IL7: variants seen among roughly 807,000 people sequenced by gnomAD.
The protein encoded by IL7 is interleukin-7.
Under a neutral mutation model 21.6 loss-of-function variants are expected in IL7, and 3 were observed. That is an observed-to-expected ratio of 0.14 (90% CI 0.06 to 0.36). The LOEUF is 0.36. Among genes scored for constraint, IL7 ranks in the 10% least tolerant of loss-of-function variants. The pLI is 1.00. For synonymous variants in IL7, 62 were observed against 68.1 expected, an observed-to-expected ratio of 0.91 and a Z score of 0.44; for missense variants, 175 against 200.2, an observed-to-expected ratio of 0.87 and a Z score of 0.76.
intron 2 of IL7, among the ~76,000 whole-genome samples, chr8:78,744,454 C>T (rs1001154638): frequency 1.3e-5 from 2 of 152,134 alleles, no homozygotes; most frequent in African/African-American, 4.8e-5. Context: ...AAAAAGGTGA[C>T]TTGCCCAAAC....
chr8:78,709,904 A>C (rs1159927738), intron 3 of IL7, among the ~76,000 whole-genome samples: 1 of 152,120 alleles, frequency 6.6e-6, no homozygotes, highest in African/African-American at 2.4e-5. Flanking sequence ...TCTTTTCCCA[A>C]TATTATTTCA....
chr8:78,701,663 T>C (rs1271720674), intron 3 of IL7, among the ~76,000 whole-genome samples: 1 of 152,328 alleles, frequency 6.6e-6, no homozygotes, highest in East Asian at 1.9e-4. Context: ...TGAGGTATGT[T>C]CCTGCAATAC....
At chr8:78,688,442 A>G (rs142465227) in intron 3 of IL7, among the ~76,000 whole-genome samples, 86 of 152,270 alleles carry the variant, frequency 5.6e-4, no homozygotes, top group Non-Finnish European at 1.1e-3. Context: ...ATAAATTGAA[A>G]AGGGCAAACT....
chr8:78,715,187 A>G (rs778294652), downstream of IL7: 1 of 1,586,242 alleles, frequency 6.3e-7, no homozygotes, highest in Admixed American at 1.7e-5. Context: ...CTCACTGTTC[A>G]ATACTTTTCC....
rs2130741775 is a variant in IL7 at position 78,753,922 on chromosome 8, G to C, written c.148-13840C>G. On this transcript the variant is annotated intron_variant, in intron 2 of 5. Transcript: ENST00000263851. ...TCTGAGGCCTCGGTTCTGTTCAATT[G>C]GTCTATATATTTGTTTTGGTTCCAT... Among the ~76,000 whole-genome samples the C allele has an allele frequency of 2.0e-5, 3 of 152,146 alleles. No homozygotes were observed. The South Asian group carries it at 6.2e-4, about 32-fold the overall frequency.
chr8:78,776,404 T>C (rs1813141002), intron 2 of IL7, among the ~76,000 whole-genome samples: 1 of 152,104 alleles, frequency 6.6e-6, no homozygotes, highest in African/African-American at 2.4e-5. Flanking sequence ...TTCTGGAAGT[T>C]TCCATAGAAG....
intron 3 of IL7, among the ~76,000 whole-genome samples, chr8:78,701,597 C>T (rs1447248160): frequency 6.6e-6 from 1 of 152,124 alleles, no homozygotes; most frequent in Non-Finnish European, 1.5e-5. Flanking sequence ...ATGCTTCCAG[C>T]TTTTTCCCAT....
intron 3 of IL7, among the ~76,000 whole-genome samples, chr8:78,687,658 TTA>T (rs1381244551): frequency 2.4e-5 from 3 of 123,864 alleles, no homozygotes; most frequent in Non-Finnish European, 1.6e-5. Context: ...ACGTAATACA[TTA>T]TATATATTTA....
At chr8:78,782,996 G>T (rs1813391059) in intron 2 of IL7, among the ~76,000 whole-genome samples, 2 of 151,948 alleles carry the variant, frequency 1.3e-5, no homozygotes, top group Non-Finnish European at 2.9e-5. Context: ...GCACTGTGGA[G>T]AATTCCTCCT....
downstream of IL7, among the ~76,000 whole-genome samples, chr8:78,731,849 A>G (rs925615819): frequency 6.6e-6 from 1 of 152,104 alleles, no homozygotes; most frequent in African/African-American, 2.4e-5. Context: ...ACTATAACAA[A>G]TGACAGAAAC....
intron 2 of IL7, among the ~76,000 whole-genome samples, chr8:78,777,102 T>C (rs1813159282): frequency 1.3e-5 from 2 of 152,074 alleles, no homozygotes. Context: ...TGATCGACAA[T>C]GTCTTCATCG....
At chr8:78,696,032 A>G (rs1345606489) in intron 3 of IL7, among the ~76,000 whole-genome samples, 1 of 151,800 alleles carries the variant, frequency 6.6e-6, no homozygotes, top group Non-Finnish European at 1.5e-5. Context: ...ATTTAAAACC[A>G]ATTTTTCTTT....
chr8:78,757,165 T>C (rs894717228), intron 2 of IL7, among the ~76,000 whole-genome samples: 2 of 152,034 alleles, frequency 1.3e-5, no homozygotes, highest in African/African-American at 4.8e-5. Flanking sequence ...TTGAAGCCTA[T>C]TGCTTTATTT....
Position 78,741,456 on chromosome 8 carries a change from A to G in IL7, c.148-1374T>C, listed in dbSNP as rs55706711. ...TTAATTTTTACCATGTCATCCTTCAAAAAAGAAGGTGAAACGTGTAGCTAC... is the reference window on the plus strand; with the variant it reads ...TTAATTTTTACCATGTCATCCTTCAGAAAAGAAGGTGAAACGTGTAGCTAC... On this transcript the variant is annotated intron_variant, in intron 2 of 5. Coordinates refer to ENST00000263851, the MANE Select transcript of IL7 (RefSeq NM_000880.4). Among the ~76,000 whole-genome samples the G allele has an allele frequency of 9.9e-3, 1,508 of 152,316 alleles. 28 individuals are homozygous for G. Among genetic ancestry groups the G allele is most frequent in the African/African-American group, 0.034 (1,431 of 41,564 alleles).
rs7015296 is a variant in IL7 at position 78,708,683 on chromosome 8, C to T, written n.214+12665G>A. Reference sequence around the variant, plus strand: ...TAAAAGATGATTATCTTTTTTTTTTCTTTTTTTTTTTTTTGAGATGGAGTT... The same window carrying T: ...TAAAAGATGATTATCTTTTTTTTTTTTTTTTTTTTTTTTTGAGATGGAGTT... On this transcript the variant is annotated intron_variant and non_coding_transcript_variant, in intron 3 of 4. Transcript: ENST00000523959. 5.5e-3 allele frequency among the ~76,000 whole-genome samples: 660 copies of T among 120,892 alleles called. 10 individuals carry two copies. Among genetic ancestry groups the T allele is most frequent in the East Asian group, 0.034 (136 of 4,024 alleles). 79.3% of individuals were successfully genotyped at this position (120,892 alleles called of 152,430 possible). A position where few individuals can be genotyped will look rare whatever the true frequency, so the allele number is the denominator to read the frequency against.
At chr8:78,691,346 A>G (rs1229592027) in intron 3 of IL7, among the ~76,000 whole-genome samples, 1 of 152,084 alleles carries the variant, frequency 6.6e-6, no homozygotes, top group Non-Finnish European at 1.5e-5. Flanking sequence ...TGGCACTTTT[A>G]TCATTATAAA....
intron 2 of IL7, among the ~76,000 whole-genome samples, chr8:78,791,937 TA>T (rs1295640703): frequency 6.6e-6 from 1 of 151,912 alleles, no homozygotes; most frequent in South Asian, 2.1e-4. Flanking sequence ...TACTAATCCC[TA>T]AAAAAAGGTA....
chr8:78,721,238 G>A (rs1811232136), intron 4 of IL7: 1 of 151,944 alleles, frequency 6.6e-6, no homozygotes, highest in East Asian at 1.9e-4. Flanking sequence ...ATATTAAAGA[G>A]GGAGCTTCTT....
intron 2 of IL7, among the ~76,000 whole-genome samples, chr8:78,776,096 T>G (rs1813128740): frequency 1.3e-5 from 2 of 152,034 alleles, no homozygotes; most frequent in Non-Finnish European, 2.9e-5. Context: ...AGTAAGAGAT[T>G]AATAACAATA....
Sources: allele counts gnomAD v4.1 joint callset (sites outside exome capture counted in the v4.1 genomes callset), GRCh38; gene constraint gnomAD v4.1.1; transcripts MANE v1.5; gene names NCBI Gene and HGNC (gene_info 2026-07-23, HGNC 2026-07-21).